The following ADGRB3 variants were observed in gnomAD, a reference collection of about 807,000 sequenced individuals.
ADGRB3 encodes adhesion G protein-coupled receptor B3, also known as brain-specific angiogenesis inhibitor 3.
Under a neutral mutation model 193.4 loss-of-function variants are expected in ADGRB3, and 37 were observed. The observed-to-expected ratio is 0.19, with a 90% confidence interval of 0.15 to 0.25. The LOEUF (loss-of-function observed/expected upper bound fraction) is 0.25, where lower values mean the gene tolerates loss of function less well. Ranked by LOEUF, ADGRB3 falls within the 10% of genes least tolerant of loss-of-function variation. The pLI is 1.00. For synonymous variants in ADGRB3, 690 were observed against 644.2 expected (o/e 1.07, Z -1.08); for missense variants, 1,637 against 1,852.9 (o/e 0.88, Z 2.14).
intron 3 of ADGRB3, among the ~76,000 whole-genome samples, chr6:68,654,719 T>C (rs1768451567): frequency 6.6e-6 from 1 of 151,972 alleles, no homozygotes; most frequent in South Asian, 2.1e-4. Flanking sequence ...AAACTGAATT[T>C]ACTAACTAAA....
chr6:69,083,293 C>T (rs1772441382), intron 17 of ADGRB3, among the ~76,000 whole-genome samples: 1 of 152,082 alleles, frequency 6.6e-6, no homozygotes, highest in South Asian at 2.1e-4. Context: ...TCTTTTTAGA[C>T]TAAAGTATTT....
intron 17 of ADGRB3, among the ~76,000 whole-genome samples, chr6:69,083,228 A>G (rs1311818662): frequency 2.6e-5 from 4 of 152,212 alleles, no homozygotes; most frequent in African/African-American, 7.2e-5. Context: ...AGCTTTGTGT[A>G]TATATCTTTT....
At chr6:68,969,034 A>G (rs1193585061) in intron 8 of ADGRB3, among the ~76,000 whole-genome samples, 2 of 152,052 alleles carry the variant, frequency 1.3e-5, no homozygotes, top group Non-Finnish European at 2.9e-5. Flanking sequence ...TTATTTCCCC[A>G]GTAAAAGTGA....
chr6:68,876,501 T>C (rs1379129182), intron 3 of ADGRB3, among the ~76,000 whole-genome samples: 2 of 152,206 alleles, frequency 1.3e-5, no homozygotes, highest in Non-Finnish European at 2.9e-5. Flanking sequence ...TTGCTAAATA[T>C]ATAGTCGCAG....
At chr6:69,185,663 T>C (rs1400186789) in intron 17 of ADGRB3, among the ~76,000 whole-genome samples, 1 of 152,158 alleles carries the variant, frequency 6.6e-6, no homozygotes, top group Non-Finnish European at 1.5e-5. Flanking sequence ...CAGGCTCTAT[T>C]TAGGTCTTGA....
At chr6:69,121,719 C>T (rs1021134693) in intron 17 of ADGRB3, among the ~76,000 whole-genome samples, 6 of 147,916 alleles carry the variant, frequency 4.1e-5, no homozygotes, top group South Asian at 2.2e-4. Flanking sequence ...CGGGCAGAGG[C>T]GCACCTCACA....
chr6:68,734,557 C>T (rs546741497), intron 3 of ADGRB3, among the ~76,000 whole-genome samples: 1 of 151,758 alleles, frequency 6.6e-6, no homozygotes, highest in African/African-American at 2.4e-5. Context: ...TAAATTTTAC[C>T]CAGGGTGATG....
intron 20 of ADGRB3, among the ~76,000 whole-genome samples, chr6:69,309,057 A>C (rs1056317973): frequency 1.3e-5 from 2 of 151,724 alleles, no homozygotes; most frequent in African/African-American, 4.8e-5. Flanking sequence ...TCTCCACAAC[A>C]ACAGTGATTG....
At chr6:69,333,461 T>A (rs1254589716) in intron 24 of ADGRB3, among the ~76,000 whole-genome samples, 1 of 152,050 alleles carries the variant, frequency 6.6e-6, no homozygotes, top group African/African-American at 2.4e-5. Context: ...AGGAAAAAAA[T>A]CTTCACTTGG....
chr6:69,055,044 A>G (rs563571066), intron 15 of ADGRB3, among the ~76,000 whole-genome samples: 4 of 152,266 alleles, frequency 2.6e-5, no homozygotes, highest in South Asian at 2.1e-4. Context: ...CATTAAACCC[A>G]TAACATCTTT....
At chr6:69,041,023 T>C (rs184711232) in intron 13 of ADGRB3, among the ~76,000 whole-genome samples, 458 of 152,272 alleles carry the variant, frequency 3.0e-3, no homozygotes, top group Non-Finnish European at 4.8e-3. Flanking sequence ...TCTTAACCTA[T>C]GTAATGGTGA....
At chr6:69,051,271 A>G (rs1179901384) in intron 15 of ADGRB3, among the ~76,000 whole-genome samples, 1 of 152,202 alleles carries the variant, frequency 6.6e-6, no homozygotes, top group East Asian at 1.9e-4. Context: ...GGATTCAGAT[A>G]GACCACTGGG....
intron 13 of ADGRB3, among the ~76,000 whole-genome samples, chr6:69,030,545 C>T (rs983675131): frequency 2.0e-5 from 3 of 152,102 alleles, no homozygotes; most frequent in Non-Finnish European, 4.4e-5. Context: ...TGTTCTCACT[C>T]ATAGGTAGGA....
At chr6:69,002,222 CTTTTTTTT>C (rs11284011) in intron 11 of ADGRB3, among the ~76,000 whole-genome samples, 2 of 138,504 alleles carry the variant, frequency 1.4e-5, no homozygotes, top group South Asian at 4.7e-4. Context: ...CATCTTTTAT[CTTTTTTTT>C]TTTTTTTTTG....
intron 11 of ADGRB3, among the ~76,000 whole-genome samples, chr6:69,004,995 G>C (rs1769704703): frequency 6.6e-6 from 1 of 152,012 alleles, no homozygotes; most frequent in Non-Finnish European, 1.5e-5. Flanking sequence ...GCCCTTAAGT[G>C]TATCAGCCAG....
At chr6:68,685,596 T>C (rs987557792) in intron 3 of ADGRB3, among the ~76,000 whole-genome samples, 28 of 151,636 alleles carry the variant, frequency 1.8e-4, no homozygotes, top group Non-Finnish European at 2.7e-4. Flanking sequence ...ACCACAAAAG[T>C]CTGTGGAAGA....
intron 10 of ADGRB3, among the ~76,000 whole-genome samples, chr6:68,979,175 T>G (rs1768835655): frequency 1.3e-5 from 2 of 151,394 alleles, no homozygotes; most frequent in South Asian, 2.1e-4. Flanking sequence ...ATACTATTAA[T>G]AAATATTTCA....
At chr6:68,752,183 A>G (rs1562015703) in intron 3 of ADGRB3, among the ~76,000 whole-genome samples, 1 of 152,174 alleles carries the variant, frequency 6.6e-6, no homozygotes, top group Non-Finnish European at 1.5e-5. Flanking sequence ...AGAAATCAAA[A>G]TTGAAATATG....
chr6:68,944,225 TG>T (rs1342746515), intron 6 of ADGRB3, among the ~76,000 whole-genome samples: 3 of 152,208 alleles, frequency 2.0e-5, no homozygotes, highest in Non-Finnish European at 4.4e-5. Context: ...TTTCTACAAA[TG>T]TGTATATTAA....
Sources: allele counts gnomAD v4.1 joint callset (sites outside exome capture counted in the v4.1 genomes callset), GRCh38; gene constraint gnomAD v4.1.1; transcripts MANE v1.5; gene names NCBI Gene and HGNC (gene_info 2026-07-23, HGNC 2026-07-21).